Variants in PLB1 observed in about 807,000 individuals in gnomAD.
PLB1 encodes the protein phospholipase B1, also known as phospholipase B1, membrane-associated.
In PLB1, 242 loss-of-function variants were observed where a neutral mutation model predicts 227.4. The ratio of observed to expected loss-of-function variants is 1.06; its 90% confidence interval spans 0.96 to 1.18. PLB1 has a LOEUF of 1.18. PLB1 is among the 50% of genes most tolerant of loss of function. The probability of loss-of-function intolerance (pLI) is 0.00; values close to 1 mark genes in which losing one functional copy is unlikely to be tolerated. For missense variants in PLB1, 1,858 were observed against 1,816.3 expected (o/e 1.02, Z -0.42); for synonymous variants, 757 against 682.2 (o/e 1.11, Z -1.71).
intron 35 of PLB1, among the ~76,000 whole-genome samples, chr2:28,599,503 C>T (rs576353778): frequency 1.4e-4 from 21 of 152,326 alleles, no homozygotes; most frequent in Non-Finnish European, 2.8e-4. Context: ...GTCCCACCAC[C>T]GTGTCCTAGG....
rs1328558569 is a variant in PLB1 at position 28,643,083 on chromosome 2, C to T, written c.*22C>T. ...CTAGGCCCGGGGGTGGGTCCTCACC[C>T]TAAACTCCCTATAGCCACTCTCTTC... On this transcript the variant is annotated 3_prime_UTR_variant, in exon 58 of 58. Coordinates refer to ENST00000327757, the MANE Select transcript of PLB1 (RefSeq NM_153021.5). The T allele has an allele frequency of 6.4e-7, 1 of 1,562,412 alleles. No homozygotes were observed. The highest frequency in any genetic ancestry group is 1.9e-5 in the Admixed American group (1 of 53,960).
intron 20 of PLB1, among the ~76,000 whole-genome samples, chr2:28,569,621 T>C (rs1433844568): frequency 2.0e-5 from 3 of 152,108 alleles, no homozygotes; most frequent in African/African-American, 7.2e-5. Context: ...TTGGATGAAA[T>C]GGACAAATTC....
Position 28,589,673 on chromosome 2 carries a change from A to G in PLB1, c.1921-2A>G. On this transcript the variant is annotated splice_acceptor_variant, in intron 27 of 57. Coordinates refer to ENST00000327757, the MANE Select transcript of PLB1 (RefSeq NM_153021.5). LOFTEE classifies it high-confidence loss of function. ...GCCTCTCTTTTTCTGCCCGGTGACC[A>G]GGAAGGATTGCCTGACAACTCTTTC... 1 of 1,614,078 alleles carries G rather than the reference A, an allele frequency of 6.2e-7. No homozygotes were observed.
chr2:28,509,108 T>C (rs1174323088), intron 1 of PLB1, among the ~76,000 whole-genome samples: 1 of 152,172 alleles, frequency 6.6e-6, no homozygotes, highest in Non-Finnish European at 1.5e-5. Context: ...ATAGATTAGA[T>C]GCTTAATCAA....
At chr2:28,604,201 G>A (rs577263015) in intron 40 of PLB1, among the ~76,000 whole-genome samples, 154 bp downstream of exon 40, 10 of 152,308 alleles carry the variant, frequency 6.6e-5, no homozygotes, top group South Asian at 2.1e-4. Flanking sequence ...TCTGTCTCAC[G>A]TGACTGTGGT....
intron 21 of PLB1, among the ~76,000 whole-genome samples, chr2:28,573,754 C>T (rs941667129): frequency 5.3e-5 from 8 of 152,170 alleles, no homozygotes; most frequent in Non-Finnish European, 7.3e-5. Flanking sequence ...AGTACGAGCC[C>T]GGTTTCCTCC....
chr2:28,544,625 G>C (rs1405096030), intron 14 of PLB1, among the ~76,000 whole-genome samples: 1 of 152,176 alleles, frequency 6.6e-6, no homozygotes, highest in African/African-American at 2.4e-5. Context: ...GAGTCAAAAG[G>C]GACTCAGCCA....
intron 37 of PLB1, among the ~76,000 whole-genome samples, chr2:28,601,555 G>GAGGTAGC (rs1436231037): frequency 1.3e-5 from 2 of 152,172 alleles, no homozygotes; most frequent in East Asian, 3.9e-4. Context: ...CCTAGGTGGT[G>GAGGTAGC]AGGTAGCAGG....
At chr2:28,598,504 C>T in intron 34 of PLB1, 148 bp from the exon 35 acceptor site, 1 of 658,698 alleles carries the variant, frequency 1.5e-6, no homozygotes. Flanking sequence ...AGCTTATGTC[C>T]AGGACACACA....
intron 51 of PLB1, among the ~76,000 whole-genome samples, chr2:28,627,999 T>C (rs1388391112): frequency 6.6e-6 from 1 of 152,218 alleles, no homozygotes; most frequent in African/African-American, 2.4e-5. Context: ...AAGGACTTAC[T>C]GAGCACCTAC....
intron 49 of PLB1, among the ~76,000 whole-genome samples, chr2:28,621,221 C>T (rs1483744349): frequency 1.3e-5 from 2 of 152,136 alleles, no homozygotes; most frequent in African/African-American, 2.4e-5. Context: ...AGGATCAGAC[C>T]ATGCCTGAAT....
intron 43 of PLB1, among the ~76,000 whole-genome samples, chr2:28,609,877 G>A (rs986220456): frequency 2.6e-5 from 4 of 152,078 alleles, no homozygotes; most frequent in African/African-American, 9.7e-5. Flanking sequence ...TTTTCCCACT[G>A]CCACTGCAGG....
chr2:28,558,429 C>G (rs1158659204), intron 17 of PLB1, among the ~76,000 whole-genome samples: 1 of 152,136 alleles, frequency 6.6e-6, no homozygotes, highest in Non-Finnish European at 1.5e-5. Flanking sequence ...ATAAACCACT[C>G]TAGAGTTGGA....
At chr2:28,635,989 A>ATGTGTGTATG (rs1206146597) in intron 56 of PLB1, among the ~76,000 whole-genome samples, 2 of 151,526 alleles carry the variant, frequency 1.3e-5, no homozygotes, top group Admixed American at 1.3e-4. Flanking sequence ...GACATTGTGT[A>ATGTGTGTATG]TGTGTGTATG....
chr2:28,523,705 G>A (rs1051406317), intron 4 of PLB1, among the ~76,000 whole-genome samples: 1 of 152,174 alleles, frequency 6.6e-6, no homozygotes, highest in Non-Finnish European at 1.5e-5. Flanking sequence ...CATTTGCAGG[G>A]GAGGGGTGAT....
rs112421105 is a variant in PLB1 at position 28,591,119 on chromosome 2, C to A, written c.2089-14C>A. 5.6e-6 allele frequency: 9 copies of A among 1,614,030 alleles called. No homozygotes were observed. Among genetic ancestry groups the A allele is most frequent in the Non-Finnish European group, 7.6e-6 (9 of 1,180,020 alleles). ...CAGAATTTGCTGCCATTGCTCACCCCCCTCTCCTCACAGGTCCAGCCGTTT... is the reference window on the plus strand; with the variant it reads ...CAGAATTTGCTGCCATTGCTCACCCACCTCTCCTCACAGGTCCAGCCGTTT... On this transcript the variant is annotated splice_polypyrimidine_tract_variant and intron_variant, in intron 29 of 57. Coordinates refer to ENST00000327757, the MANE Select transcript of PLB1 (RefSeq NM_153021.5).
chr2:28,582,597 C>A, intron 25 of PLB1, 92 bp downstream of exon 25: 1 of 1,010,530 alleles, frequency 9.9e-7, no homozygotes, highest in Non-Finnish European at 1.5e-6. Context: ...ACCCAAGGGC[C>A]GAAGTGTGAA....
At chr2:28,541,850 G>T in intron 13 of PLB1, 39 bp downstream of exon 13, 1 of 1,523,000 alleles carries the variant, frequency 6.6e-7, no homozygotes, top group Non-Finnish European at 9.1e-7. Flanking sequence ...AGTGTGGTGG[G>T]GGCCGGGCAT....
At chr2:28,626,601 C>A in intron 51 of PLB1, 93 bp downstream of exon 51, 2 of 640,458 alleles carry the variant, frequency 3.1e-6, no homozygotes, top group Non-Finnish European at 4.6e-6. Context: ...CTGCCCCGAG[C>A]TCCTTGCTCA....
Sources: allele counts gnomAD v4.1 joint callset (sites outside exome capture counted in the v4.1 genomes callset), GRCh38; gene constraint gnomAD v4.1.1; transcripts MANE v1.5; gene names NCBI Gene and HGNC (gene_info 2026-07-23, HGNC 2026-07-21).